The following RYR2 variants were observed in gnomAD, a reference collection of about 807,000 sequenced individuals.
RYR2 encodes the protein ryanodine receptor 2.
In RYR2, 227 loss-of-function variants were observed where a neutral mutation model predicts 601.1. The observed-to-expected ratio is 0.38, with a 90% CI of 0.34 to 0.42. The LOEUF (loss-of-function observed/expected upper bound fraction) is 0.42. Among genes scored for constraint, RYR2 ranks in the 10% least tolerant of loss-of-function variants. RYR2 has a pLI of 1.00. For synonymous variants in RYR2, 2,223 were observed against 2,175.1 expected, an observed-to-expected ratio of 1.02 and a Z score of -0.61; for missense variants, 4,646 against 6,156.5, an observed-to-expected ratio of 0.75 and a Z score of 8.21.
chr1:237,245,915 G>T (rs1409514155), intron 1 of RYR2, among the ~76,000 whole-genome samples: 1 of 151,822 alleles, frequency 6.6e-6, no homozygotes, highest in African/African-American at 2.4e-5. Context: ...CCAAGTAGCT[G>T]GCATTACAGG....
At chr1:237,338,570 A>ATTCATG (rs1697463213) in intron 3 of RYR2, among the ~76,000 whole-genome samples, 2 of 152,194 alleles carry the variant, frequency 1.3e-5, no homozygotes, top group Admixed American at 6.5e-5. Flanking sequence ...CAAAATAGTG[A>ATTCATG]GTGTGGTATT....
chr1:237,551,529 T>TCA (rs1670399725), intron 27 of RYR2, among the ~76,000 whole-genome samples: 1 of 6,108 alleles, frequency 1.6e-4, no homozygotes, highest in African/African-American at 2.6e-4. Flanking sequence ...AGACTCCGTC[T>TCA]CAAAAAAAAA....
At chr1:237,377,244 T>C (rs757851165) in intron 7 of RYR2, 79 bp from the exon 8 acceptor site, 2 of 957,284 alleles carry the variant, frequency 2.1e-6, no homozygotes, top group African/African-American at 1.6e-5. Flanking sequence ...GAAAGTTGTG[T>C]GTTGGGAATC....
intron 62 of RYR2, among the ~76,000 whole-genome samples, chr1:237,681,240 G>A (rs1303849543): frequency 6.6e-6 from 1 of 152,130 alleles, no homozygotes; most frequent in Non-Finnish European, 1.5e-5. Flanking sequence ...CTTTTAGATT[G>A]TATCGGAACA....
At chr1:237,366,867 G>A (rs2149740229) in intron 5 of RYR2, among the ~76,000 whole-genome samples, 1 of 152,086 alleles carries the variant, frequency 6.6e-6, no homozygotes, top group South Asian at 2.1e-4. Context: ...TTATAGCTTT[G>A]GAACATAAAT....
intron 1 of RYR2, among the ~76,000 whole-genome samples, chr1:237,103,437 CAG>C (rs1163114376): frequency 4.6e-5 from 7 of 152,210 alleles, no homozygotes; most frequent in African/African-American, 1.7e-4. Context: ...ACGTGAAGAA[CAG>C]GGGACAGGTT....
chr1:237,624,080 T>G (rs937376023), intron 39 of RYR2, among the ~76,000 whole-genome samples: 2 of 152,058 alleles, frequency 1.3e-5, no homozygotes, highest in Non-Finnish European at 2.9e-5. Context: ...AGAGAGGCAG[T>G]TAAACTGAGC....
intron 1 of RYR2, among the ~76,000 whole-genome samples, chr1:237,237,399 G>T (rs982608760): frequency 6.6e-6 from 1 of 152,134 alleles, no homozygotes; most frequent in African/African-American, 2.4e-5. Flanking sequence ...AATGGACCTC[G>T]CTCTAGGCCA....
At chr1:237,470,898 A>G (rs1456412799) in intron 17 of RYR2, among the ~76,000 whole-genome samples, 1 of 151,998 alleles carries the variant, frequency 6.6e-6, no homozygotes, top group East Asian at 1.9e-4. Context: ...GAGGAGAGAC[A>G]GAGAGAGAGG....
intron 49 of RYR2, among the ~76,000 whole-genome samples, chr1:237,648,915 C>T (rs1682439826): frequency 6.6e-6 from 1 of 152,292 alleles, no homozygotes; most frequent in Admixed American, 6.5e-5. Flanking sequence ...TGGGAGGTCA[C>T]AGTGACTCCT....
intron 67 of RYR2, 52 bp from the exon 68 acceptor site, chr1:237,706,897 T>C: frequency 2.1e-6 from 3 of 1,459,284 alleles, no homozygotes; most frequent in Non-Finnish European, 2.8e-6. Flanking sequence ...ATCCGCCATA[T>C]CATCTCAGTA....
At chr1:237,425,197 G>A (rs1269813467) in intron 12 of RYR2, among the ~76,000 whole-genome samples, 11 of 152,226 alleles carry the variant, frequency 7.2e-5, no homozygotes, top group Non-Finnish European at 1.0e-4. Context: ...AAAAGTAGGA[G>A]TAAGAACTAC....
intron 36 of RYR2, among the ~76,000 whole-genome samples, chr1:237,611,439 A>G (rs886119765): frequency 3.3e-5 from 5 of 152,178 alleles, no homozygotes; most frequent in African/African-American, 1.2e-4. Context: ...TAATGAAAGA[A>G]AATTGGGAAA....
chr1:237,435,935 G>A (rs961481469), intron 12 of RYR2, among the ~76,000 whole-genome samples: 2 of 152,156 alleles, frequency 1.3e-5, no homozygotes, highest in African/African-American at 2.4e-5. Context: ...CGTGCAAGTG[G>A]TCTGGCCAGG....
chr1:237,314,870 A>G (rs755250682), intron 2 of RYR2, among the ~76,000 whole-genome samples: 48 of 152,198 alleles, frequency 3.2e-4, no homozygotes, highest in Non-Finnish European at 6.3e-4. Context: ...CACTATTGCC[A>G]TAAATTGTGG....
intron 95 of RYR2, among the ~76,000 whole-genome samples, 153 bp from the exon 96 acceptor site, chr1:237,795,136 G>A (rs1258777055): frequency 6.6e-6 from 1 of 152,048 alleles, no homozygotes; most frequent in African/African-American, 2.4e-5. Flanking sequence ...TATGATGCAG[G>A]AAATTATGTG....
chr1:237,666,426 A>G, intron 56 of RYR2, 86 bp from the exon 57 acceptor site: 1 of 1,181,474 alleles, frequency 8.5e-7, no homozygotes, highest in Non-Finnish European at 1.2e-6. Context: ...ATGTTTGGAA[A>G]TTTGTGCCAT....
At chr1:237,731,926 A>G in intron 77 of RYR2, 120 bp from the exon 78 acceptor site, 2 of 597,432 alleles carry the variant, frequency 3.3e-6, no homozygotes. Context: ...ACACCCCACA[A>G]CAGGGAAGGA....
intron 1 of RYR2, among the ~76,000 whole-genome samples, chr1:237,154,923 C>A (rs1675138385): frequency 1.3e-5 from 2 of 152,034 alleles, no homozygotes; most frequent in South Asian, 4.1e-4. Context: ...GTGAAGAATG[C>A]CCCATTACAG....
Sources: allele counts gnomAD v4.1 joint callset (sites outside exome capture counted in the v4.1 genomes callset), GRCh38; gene constraint gnomAD v4.1.1; transcripts MANE v1.5; gene names NCBI Gene and HGNC (gene_info 2026-07-23, HGNC 2026-07-21).